PCGF3: variants seen among roughly 807,000 people sequenced by gnomAD.
The protein encoded by PCGF3 is polycomb group RING finger protein 3.
A neutral mutation model predicts 33.1 loss-of-function variants in PCGF3; 7 were observed. The ratio of observed to expected loss-of-function variants is 0.21; its 90% CI spans 0.12 to 0.40. PCGF3 has a LOEUF of 0.40. Among genes scored for constraint, PCGF3 ranks in the 10% least tolerant of loss-of-function variants. The pLI is 1.00. For synonymous variants in PCGF3, 153 were observed against 121.3 expected (o/e 1.26, Z -1.72); for missense variants, 211 against 313.3 (o/e 0.67, Z 2.46).
intron 8 of PCGF3, among the ~76,000 whole-genome samples, chr4:750,994 CAT>C (rs1744486643): frequency 6.6e-6 from 1 of 152,154 alleles, no homozygotes. Context: ...TTTTTGCACA[CAT>C]CTCAGGTTCT....
At chr4:761,902 G>C in intron 9 of PCGF3, 7 of 985,412 alleles carry the variant, frequency 7.1e-6, no homozygotes, top group Non-Finnish European at 8.4e-6. Context: ...GCGCCAGCAG[G>C]GTCCAGCTTT....
chr4:710,809 G>T (rs2109509216), intron 1 of PCGF3, among the ~76,000 whole-genome samples: 1 of 152,330 alleles, frequency 6.6e-6, no homozygotes, highest in African/African-American at 2.4e-5. Context: ...ACAGCTTCAA[G>T]TGCAAGGATT....
intron 1 of PCGF3, among the ~76,000 whole-genome samples, chr4:715,602 GGT>G (rs1321244052): frequency 1.8e-5 from 2 of 109,098 alleles, no homozygotes; most frequent in Non-Finnish European, 3.8e-5. Flanking sequence ...GTGAGAACTG[GGT>G]GTCGGTGCTG....
At chr4:732,886 C>A (rs945572497) in intron 3 of PCGF3, among the ~76,000 whole-genome samples, 2 of 152,254 alleles carry the variant, frequency 1.3e-5, no homozygotes, top group South Asian at 4.1e-4. Context: ...AGCACAGAAG[C>A]AAATCACCAG....
intron 9 of PCGF3, among the ~76,000 whole-genome samples, chr4:764,336 C>CTATGGTGA (rs970290667): frequency 3.3e-5 from 5 of 152,020 alleles, no homozygotes; most frequent in Admixed American, 2.0e-4. Flanking sequence ...CATTTTTGCA[C>CTATGGTGA]TATGGTGAGA....
chr4:724,354 A>G (rs1186729476), intron 1 of PCGF3, among the ~76,000 whole-genome samples: 1 of 152,200 alleles, frequency 6.6e-6, no homozygotes, highest in Non-Finnish European at 1.5e-5. Flanking sequence ...GGGCCACCAC[A>G]GCCGGCCGCA....
chr4:765,010 C>T, exon 10 of PCGF3: 8 of 1,613,942 alleles, frequency 5.0e-6, no homozygotes, highest in Non-Finnish European at 6.8e-6. Context: ...ACGAGGAGAT[C>T]CTGGGCAAGG....
At chr4:718,875 G>A (rs1244077577) in intron 1 of PCGF3, among the ~76,000 whole-genome samples, 3 of 152,220 alleles carry the variant, frequency 2.0e-5, no homozygotes, top group African/African-American at 4.8e-5. Flanking sequence ...ACTGTCTTTC[G>A]AGTCATGGAC....
chr4:755,644 T>C (rs1016114872), intron 8 of PCGF3, among the ~76,000 whole-genome samples: 10 of 152,192 alleles, frequency 6.6e-5, no homozygotes. Flanking sequence ...GTAAAATATT[T>C]TAAAGGTTTG....
chr4:726,312 A>G (rs990423920), intron 1 of PCGF3, among the ~76,000 whole-genome samples: 1 of 152,218 alleles, frequency 6.6e-6, no homozygotes, highest in Non-Finnish European at 1.5e-5. Context: ...GAGGGAGCAG[A>G]TGGTGAATAT....
intron 1 of PCGF3, among the ~76,000 whole-genome samples, chr4:712,421 GTGTTTGTT>G (rs139555420): frequency 6.6e-6 from 1 of 151,970 alleles, no homozygotes; most frequent in South Asian, 2.1e-4. Context: ...TCTAATATTC[GTGTTTGTT>G]TGTTTGTTTT....
intron 8 of PCGF3, among the ~76,000 whole-genome samples, chr4:752,986 C>T (rs1374418800): frequency 6.6e-6 from 1 of 152,234 alleles, no homozygotes; most frequent in Admixed American, 6.5e-5. Flanking sequence ...TCTGTCGAAC[C>T]ACAAAGGTTT....
intron 8 of PCGF3, among the ~76,000 whole-genome samples, chr4:749,390 T>C (rs1744409672): frequency 6.6e-6 from 1 of 151,776 alleles, no homozygotes; most frequent in Non-Finnish European, 1.5e-5. Flanking sequence ...TCTTGAACTC[T>C]TGACCTCGGG....
Position 728,439 on chromosome 4 carries a change from C to T in PCGF3, c.-189-2191C>T, listed in dbSNP as rs148297623. Among the ~76,000 whole-genome samples, 1,370 of 151,016 alleles carry T rather than the reference C, an allele frequency of 9.1e-3. 4 individuals carry two copies. The highest frequency in any genetic ancestry group is 0.021 in the Middle Eastern group (6 of 292). On this transcript the variant is annotated intron_variant, in intron 1 of 10. Transcript: ENST00000362003. ...AGTGCGTGGGGGGTGGCGTGCACAG[C>T]GTGTTAAGTGTCGTAAGTAATCTGG...
intron 1 of PCGF3, among the ~76,000 whole-genome samples, chr4:723,403 C>T (rs1743198022): frequency 1.3e-5 from 2 of 151,988 alleles, no homozygotes; most frequent in African/African-American, 4.8e-5. Context: ...TGGAAGATGC[C>T]CTTGGGAAGC....
intron 7 of PCGF3, 24 bp from the exon 8 acceptor site, chr4:744,576 G>A (rs770574154): frequency 1.1e-5 from 16 of 1,515,502 alleles, no homozygotes; most frequent in Admixed American, 9.8e-5. Flanking sequence ...TTCATGGTGC[G>A]CTATGTTCTG....
rs1189363846 is a variant in PCGF3 at position 733,664 on chromosome 4, T to C, written c.-9-8T>C. On this transcript the variant is annotated splice_region_variant and splice_polypyrimidine_tract_variant and intron_variant, in intron 3 of 10. Coordinates refer to ENST00000362003, the Ensembl canonical transcript of PCGF3. ...TCAGGTGTTAATTAATCGCGTTTTC[T>C]CTTGTAGAAGCCAAAGATGTTGACC... 1 of 1,596,542 alleles carries C rather than the reference T, an allele frequency of 6.3e-7. No homozygotes were observed. The highest frequency in any genetic ancestry group is 8.5e-7 in the Non-Finnish European group (1 of 1,176,390).
At chr4:765,304 G>A (rs1303675081) in intron 10 of PCGF3, among the ~76,000 whole-genome samples, 2 of 152,152 alleles carry the variant, frequency 1.3e-5, no homozygotes, top group South Asian at 2.1e-4. Context: ...GTAGTGGTGG[G>A]CACCTGTAGT....
chr4:740,822 C>T (rs1431480433), intron 6 of PCGF3, among the ~76,000 whole-genome samples: 1 of 152,166 alleles, frequency 6.6e-6, no homozygotes, highest in South Asian at 2.1e-4. Context: ...CGCCTTCACC[C>T]GTAAGCCCGT....
Sources: allele counts gnomAD v4.1 joint callset (sites outside exome capture counted in the v4.1 genomes callset), GRCh38; gene constraint gnomAD v4.1.1; transcripts MANE v1.5; gene names NCBI Gene and HGNC (gene_info 2026-07-23, HGNC 2026-07-21).